RPL3L: variants seen among roughly 807,000 people sequenced by gnomAD.
The protein encoded by RPL3L is ribosomal protein uL3-like.
A neutral mutation model predicts 44.5 loss-of-function variants in RPL3L; 44 were observed. The observed-to-expected ratio is 0.99, with a 90% CI of 0.78 to 1.27. The LOEUF (loss-of-function observed/expected upper bound fraction) is 1.27, where lower values mean the gene tolerates loss of function less well. Ranked by LOEUF, RPL3L falls within the 50% of genes most tolerant of loss-of-function variation. The pLI is 0.00. For missense variants in RPL3L, 631 were observed against 569.1 expected (o/e 1.11, Z -1.11); for synonymous variants, 292 against 230.7 (o/e 1.27, Z -2.41).
At chr16:1,953,856 G>C in intron 2 of RPL3L, 100 bp downstream of exon 2, 2 of 1,237,744 alleles carry the variant, frequency 1.6e-6, no homozygotes, top group South Asian at 4.1e-5. Flanking sequence ...GGTGCTCCCT[G>C]GGACTGTGGC....
At chr16:1,947,868 G>A (rs561577713) in intron 4 of RPL3L, among the ~76,000 whole-genome samples, 11 of 152,144 alleles carry the variant, frequency 7.2e-5, no homozygotes, top group Admixed American at 1.3e-4. Flanking sequence ...AGCAAGGGGC[G>A]TGGGCCAGCA....
intron 4 of RPL3L, 139 bp downstream of exon 4, chr16:1,950,705 G>A (rs1567311067): frequency 1.5e-6 from 2 of 1,373,324 alleles, no homozygotes; most frequent in Non-Finnish European, 2.0e-6. Flanking sequence ...CACGTGGCCA[G>A]CGAGGCTGGT....
intron 3 of RPL3L, among the ~76,000 whole-genome samples, chr16:1,951,542 G>A (rs141112650): frequency 0.01 from 1,576 of 152,078 alleles, 17 homozygotes; most frequent in Non-Finnish European, 0.016. Flanking sequence ...CACCGTGCCC[G>A]GCTAATTTTT....
Position 1,944,840 on chromosome 16 carries a change from C to T in RPL3L, c.1221G>A (p.Leu407=). 1.2e-6 allele frequency: 2 copies of T among 1,614,082 alleles called. No individual in the cohort carries two copies. Among genetic ancestry groups the T allele is most frequent in the Non-Finnish European group, 1.7e-6 (2 of 1,180,016 alleles). Reference sequence around the variant, plus strand: ...GGGTTCATCCACCCCACACAGCCTACAAGTCTCCCGAGGTCTCCGGCGTTT... The same window carrying T: ...GGGTTCATCCACCCCACACAGCCTATAAGTCTCCCGAGGTCTCCGGCGTTT... ...EKETPETSGD[L] The change falls in exon 10 of 10, where the codon TTG becomes TTA. Residue 407 remains leucine (L), a synonymous_variant. Transcript: ENST00000268661.
rs190133339 is a variant in RPL3L at position 1,945,776 on chromosome 16, G to A, written c.1047+59C>T. 5.2e-5 allele frequency: 84 copies of A among 1,608,304 alleles called. No homozygotes were observed. The East Asian group carries it at 1.1e-3, about 21-fold the overall frequency. ...CCATCCCGCTCGTAGCAGGCCGCAG[G>A]GCAGGACAGGCTGGCAGCCCTCGGG... On this transcript the variant is annotated intron_variant, in intron 8 of 9. Coordinates refer to ENST00000268661, the MANE Select transcript of RPL3L (RefSeq NM_005061.3).
chr16:1,954,655 GA>G lies in RPL3L; in HGVS notation c.-25del. The G allele has an allele frequency of 6.5e-7, 1 of 1,545,310 alleles. No individual in the cohort carries two copies. Reference sequence around the variant, plus strand: ...ATGGTGGCCGATCCCTGAAGGTCAGGAAGGGGCCTCGCCGCTAGCCGCCAGA... The same window carrying G: ...ATGGTGGCCGATCCCTGAAGGTCAGGAGGGGCCTCGCCGCTAGCCGCCAGA... On this transcript the variant is annotated 5_prime_UTR_variant, in exon 1 of 10. Coordinates refer to ENST00000268661, the MANE Select transcript of RPL3L (RefSeq NM_005061.3).
chr16:1,947,327 C>T lies in RPL3L; in HGVS notation c.555G>A (p.Leu185=), dbSNP rs759331095. The T allele has an allele frequency of 6.2e-7, 1 of 1,610,044 alleles. No individual in the cohort carries two copies. Among genetic ancestry groups the T allele is most frequent in the Non-Finnish European group, 8.5e-7 (1 of 1,178,918 alleles). The change falls in exon 5 of 10, where the codon CTG becomes CTA. Residue 185 remains leucine (L), a synonymous_variant. Transcript: ENST00000268661. ...QKKAHIMEIQ[L]NGGTVAEKVA... ...CCTTCTCGGCCACCGTGCCACCGTTCAGCTGGATCTCCATGATGTGGGCCT... is the reference window on the plus strand; with the variant it reads ...CCTTCTCGGCCACCGTGCCACCGTTTAGCTGGATCTCCATGATGTGGGCCT...
rs1422650033 is a variant in RPL3L, at chr16:1,946,813, T to TCAGTGCTGGTGGGGGCATCTTGTGTCCC, written c.849+97_850-88dup. 22 of 1,579,640 alleles carry TCAGTGCTGGTGGGGGCATCTTGTGTCCC rather than the reference T, an allele frequency of 1.4e-5. No homozygotes were observed. In the East Asian group the frequency reaches 3.6e-4, roughly 26 times the overall value. On this transcript the variant is annotated intron_variant, in intron 6 of 9. Transcript: ENST00000268661. ...GGCCCATCCGCCCACATGCTCAGAC[T>TCAGTGCTGGTGGGGGCATCTTGTGTCCC]CAGTGCTGGTGGGGGCATCTTGTGT...
chr16:1,953,937 G>A lies in RPL3L; in HGVS notation c.196+19C>T, dbSNP rs780981377. The A allele has an allele frequency of 1.5e-5, 22 of 1,487,762 alleles. No homozygotes were observed. In the East Asian group the frequency reaches 2.8e-4, roughly 19 times the overall value. The allele number at this position is 1,487,762 out of a possible 1,614,324, so 92.2% of individuals were successfully genotyped here. On this transcript the variant is annotated intron_variant, in intron 2 of 9. Coordinates refer to ENST00000268661, the MANE Select transcript of RPL3L (RefSeq NM_005061.3). ...GGTTCAGCCCTCCCCCTCCCCCAAG[G>A]GTCCCAACTGTGACTCACTGAGCCC...
intron 7 of RPL3L, 78 bp downstream of exon 7, chr16:1,946,547 C>A: frequency 1.4e-6 from 2 of 1,443,254 alleles, no homozygotes; most frequent in Non-Finnish European, 1.9e-6. Flanking sequence ...GTATACCAGG[C>A]CCCCCGGCCA....
chr16:1,954,266 A>G, intron 1 of RPL3L, 118 bp from the exon 2 acceptor site: 1 of 1,118,936 alleles, frequency 8.9e-7, no homozygotes, highest in Non-Finnish European at 1.2e-6. Context: ...GCCTGTGCTC[A>G]GCACCTCCCC....
chr16:1,945,857 T>C lies in RPL3L; in HGVS notation c.1025A>G (p.Lys342Arg). The C allele has an allele frequency of 6.2e-7, 1 of 1,613,974 alleles. No homozygotes were observed. The highest frequency in any genetic ancestry group is 8.5e-7 in the Non-Finnish European group (1 of 1,179,998). ...AACCTTTCTCAGCGTAATGACCCGC[T>C]TCTTGGTACCAGCAATACAACCCTT... ...MLKGCIAGTK[K>R]RVITLRKSLL... The change falls in exon 8 of 10, where the codon AAG becomes AGG. Residue 342 changes from lysine to arginine, a missense_variant. Physicochemically the swap from Lys to Arg is conservative, Grantham distance 26 (BLOSUM62 2). Transcript: ENST00000268661.
intron 7 of RPL3L, 21 bp downstream of exon 7, chr16:1,946,604 G>A (rs750979562): frequency 6.2e-7 from 1 of 1,607,262 alleles, no homozygotes; most frequent in Admixed American, 1.7e-5. Context: ...GGGCCTGGCA[G>A]TCGCCCCCTC....
At position 1,946,736 on chromosome 16, in the gene RPL3L, G is replaced by T. The variant is rs753314167; in HGVS notation, c.850-10C>A. Reference sequence around the variant, plus strand: ...TGCCGATGCGGAAGATCTGCCAGAAGGGGGCACATGCCAGGGGCAGGAAGT... The same window carrying T: ...TGCCGATGCGGAAGATCTGCCAGAATGGGGCACATGCCAGGGGCAGGAAGT... On this transcript the variant is annotated splice_polypyrimidine_tract_variant and intron_variant, in intron 6 of 9. Coordinates refer to ENST00000268661, the MANE Select transcript of RPL3L (RefSeq NM_005061.3). The T allele has an allele frequency of 1.2e-6, 2 of 1,611,848 alleles. No individual in the cohort carries two copies. The highest frequency in any genetic ancestry group is 4.5e-5 in the East Asian group (2 of 44,866).
At chr16:1,953,139 T>C in intron 2 of RPL3L, 97 bp from the exon 3 acceptor site, 3 of 1,327,084 alleles carry the variant, frequency 2.3e-6, no homozygotes, top group East Asian at 2.4e-5. Flanking sequence ...GACAGGAGAG[T>C]GTGGGGCCAG....
rs752749143 is a variant in RPL3L, at chr16:1,945,489, G to T, written c.1167+10C>A. ...CCAGAGAAGAACAAGGATGGGGGCG[G>T]TGAGCTCACCATGAAGGCCCTCTTC... On this transcript the variant is annotated intron_variant, in intron 9 of 9. Coordinates refer to ENST00000268661, the MANE Select transcript of RPL3L (RefSeq NM_005061.3). The T allele has an allele frequency of 1.2e-6, 2 of 1,606,252 alleles. No homozygotes were observed. Among genetic ancestry groups the T allele is most frequent in the South Asian group, 2.2e-5 (2 of 89,872 alleles).
intron 6 of RPL3L, 30 bp downstream of exon 6, chr16:1,946,908 A>T: frequency 6.3e-7 from 1 of 1,581,096 alleles, no homozygotes; most frequent in Non-Finnish European, 8.6e-7. Flanking sequence ...CCGACCACAC[A>T]GTGTCCCCGT....
Position 1,945,450 on chromosome 16 carries a change from G to T in RPL3L, c.1167+49C>A, listed in dbSNP as rs774703488. The T allele has an allele frequency of 5.1e-6, 8 of 1,578,616 alleles. No homozygotes were observed. The East Asian group carries it at 1.2e-4, about 23-fold the overall frequency. ...AGCTCCCTACTCGGGCAGGCTGGAT[G>T]TGGAGCTGGAGCCCCAGAGAAGAAC... On this transcript the variant is annotated intron_variant, in intron 9 of 9. Transcript: ENST00000268661.
In RPL3L at chr16:1,944,810, C is replaced by T. The variant is rs1163377744; in HGVS notation, c.*27G>A. On this transcript the variant is annotated 3_prime_UTR_variant, in exon 10 of 10. Coordinates refer to ENST00000268661, the MANE Select transcript of RPL3L (RefSeq NM_005061.3). ...ACATTGGGGCAGACAGTGCGGTGCGCTTCAGGGTTCATCCACCCCACACAG... is the reference window on the plus strand; with the variant it reads ...ACATTGGGGCAGACAGTGCGGTGCGTTTCAGGGTTCATCCACCCCACACAG... 1.2e-6 allele frequency: 2 copies of T among 1,613,734 alleles called. No individual in the cohort carries two copies. Among genetic ancestry groups the T allele is most frequent in the Non-Finnish European group, 1.7e-6 (2 of 1,179,868 alleles).
Sources: allele counts gnomAD v4.1 joint callset (sites outside exome capture counted in the v4.1 genomes callset), GRCh38; gene constraint gnomAD v4.1.1; transcripts MANE v1.5; gene names NCBI Gene and HGNC (gene_info 2026-07-23, HGNC 2026-07-21).